The following CDH8 variants were observed in gnomAD, a reference collection of about 807,000 sequenced individuals.
CDH8 encodes the protein cadherin 8.
CDH8 carries 17 observed loss-of-function variants against 68.1 expected under a neutral mutation model. That is an observed-to-expected ratio of 0.25 (90% CI 0.17 to 0.37). The LOEUF (loss-of-function observed/expected upper bound fraction) is 0.37, where lower values mean the gene tolerates loss of function less well. CDH8 is among the 10% of genes least tolerant of loss of function. The pLI, the probability that CDH8 is intolerant of heterozygous loss-of-function variation, is 1.00. For missense variants in CDH8, 763 were observed against 999.3 expected (o/e 0.76, Z 3.19); for synonymous variants, 372 against 365.1 (o/e 1.02, Z -0.21).
chr16:61,664,714 A>C (rs1165370809), intron 10 of CDH8, among the ~76,000 whole-genome samples: 1 of 152,038 alleles, frequency 6.6e-6, no homozygotes, highest in East Asian at 1.9e-4. Flanking sequence ...AGAGAGGAAA[A>C]AAAATCCAAC....
intron 2 of CDH8, among the ~76,000 whole-genome samples, chr16:61,926,152 GGTGTGTGTGTGTGTGT>G (rs61028306): frequency 6.3e-5 from 9 of 142,210 alleles, no homozygotes; most frequent in South Asian, 2.3e-4. Context: ...ACTCAGAAGG[GGTGTGTGTGTGTGTGT>G]GTGTGTGTGT....
chr16:61,688,976 G>C (rs1393202723), intron 10 of CDH8, among the ~76,000 whole-genome samples: 1 of 151,952 alleles, frequency 6.6e-6, no homozygotes, highest in Non-Finnish European at 1.5e-5. Flanking sequence ...TTTAAATCCA[G>C]GCATTAACCA....
chr16:61,799,545 C>A (rs1961572113), intron 7 of CDH8, among the ~76,000 whole-genome samples: 3 of 152,118 alleles, frequency 2.0e-5, no homozygotes, highest in African/African-American at 7.2e-5. Flanking sequence ...TGCATTTCCT[C>A]CGTCATAAAG....
intron 1 of CDH8, among the ~76,000 whole-genome samples, chr16:62,023,399 G>A (rs1180305978): frequency 6.6e-6 from 1 of 152,142 alleles, no homozygotes; most frequent in Admixed American, 6.6e-5. Flanking sequence ...GGACAAGATA[G>A]TCAAGTTTTC....
intron 2 of CDH8, among the ~76,000 whole-genome samples, chr16:61,911,040 G>A (rs993255868): frequency 3.9e-5 from 6 of 152,032 alleles, no homozygotes; most frequent in Non-Finnish European, 8.8e-5. Flanking sequence ...ATGGGAAGAG[G>A]GTGGTCGATG....
intron 2 of CDH8, among the ~76,000 whole-genome samples, chr16:61,971,174 G>A (rs1268492023): frequency 6.6e-6 from 1 of 152,090 alleles, no homozygotes; most frequent in Non-Finnish European, 1.5e-5. Context: ...ACCCTTTGCT[G>A]ACTCTCTTTT....
chr16:61,837,308 T>C (rs776970039), intron 4 of CDH8, among the ~76,000 whole-genome samples: 40 of 152,142 alleles, frequency 2.6e-4, no homozygotes, highest in Middle Eastern at 3.4e-3. Flanking sequence ...TTTCTTTATG[T>C]TTTCATATTT....
At chr16:61,963,241 C>T (rs1035826268) in intron 2 of CDH8, among the ~76,000 whole-genome samples, 9 of 152,142 alleles carry the variant, frequency 5.9e-5, no homozygotes, top group Non-Finnish European at 5.9e-5. Context: ...ACCCTAGGCA[C>T]ACCCTTCCTC....
chr16:61,986,422 T>C (rs1375027496), intron 2 of CDH8, among the ~76,000 whole-genome samples: 2 of 152,178 alleles, frequency 1.3e-5, no homozygotes, highest in East Asian at 1.9e-4. Context: ...AATTAATCTC[T>C]GATTGTATAT....
Position 61,960,078 on chromosome 16 carries a change from T to C in CDH8, c.253-58605A>G, listed in dbSNP as rs796497963. Among the ~76,000 whole-genome samples the C allele has an allele frequency of 1.2e-4, 13 of 106,652 alleles. 1 individual carries two copies. The highest frequency in any genetic ancestry group is 2.8e-4 in the African/African-American group (7 of 25,332). 70.0% of individuals were successfully genotyped at this position (106,652 alleles called of 152,430 possible). On this transcript the variant is annotated intron_variant, in intron 2 of 11. Coordinates refer to ENST00000577390, the MANE Select transcript of CDH8 (RefSeq NM_001796.5). ...ATGTGTGTGTGTATACACATACATATATACATATATGTGTGTGTGTATACA... is the reference window on the plus strand; with the variant it reads ...ATGTGTGTGTGTATACACATACATACATACATATATGTGTGTGTGTATACA...
At position 61,825,177 on chromosome 16, in the gene CDH8, T is replaced by C. The variant is rs199624386; in HGVS notation, c.670A>G (p.Ile224Val). 675 of 1,595,786 alleles carry C rather than the reference T, an allele frequency of 4.2e-4. No individual in the cohort carries two copies. Among genetic ancestry groups the C allele is most frequent in the Non-Finnish European group, 5.5e-4 (651 of 1,173,812 alleles). ...PYFSIEPETA[I>V]IKTALPNMDR... ...ATGTTGGGAAGGGCAGTTTTTATAATAGCTGAGGGGGAAAATGGAAGAATG... is the reference window on the plus strand; with the variant it reads ...ATGTTGGGAAGGGCAGTTTTTATAACAGCTGAGGGGGAAAATGGAAGAATG... Residue 224 changes from isoleucine (I) to valine (V), a missense_variant and splice_region_variant, in exon 5 of 12, where the codon ATT becomes GTT. By Grantham distance (29) the Ile-to-Val change is conservative (BLOSUM62 3). Coordinates refer to ENST00000577390, the MANE Select transcript of CDH8 (RefSeq NM_001796.5).
chr16:62,027,710 C>A (rs1401485168), intron 1 of CDH8, among the ~76,000 whole-genome samples: 1 of 152,272 alleles, frequency 6.6e-6, no homozygotes, highest in South Asian at 2.1e-4. Flanking sequence ...GAGCAATTCA[C>A]CCAAGCCCTG....
intron 8 of CDH8, among the ~76,000 whole-genome samples, chr16:61,733,394 A>C (rs572158887): frequency 8.3e-4 from 125 of 151,220 alleles, no homozygotes; most frequent in Admixed American, 1.5e-3. Context: ...GACTTTTTGC[A>C]AAAAAAAATC....
In CDH8 at chr16:61,899,085, A is replaced by C. The variant is rs139854761; in HGVS notation, c.547+2094T>G. ...TGGTGATTTGCTGCACCCATCAACC[A>C]ATCATCTACATTAGGTATTTATCCT... On this transcript the variant is annotated intron_variant, in intron 3 of 11. Transcript: ENST00000577390. Among the ~76,000 whole-genome samples, 5 of 152,244 alleles carry C rather than the reference A, an allele frequency of 3.3e-5. No individual in the cohort carries two copies. The East Asian group carries it at 9.7e-4, about 29-fold the overall frequency.
At chr16:61,659,112 T>C (rs1452936511) in intron 10 of CDH8, among the ~76,000 whole-genome samples, 1 of 152,204 alleles carries the variant, frequency 6.6e-6, no homozygotes, top group African/African-American at 2.4e-5. Context: ...TAAAAGCGAA[T>C]CTTATTAGAG....
At chr16:62,010,150 T>C (rs991067030) in intron 2 of CDH8, among the ~76,000 whole-genome samples, 1 of 152,242 alleles carries the variant, frequency 6.6e-6, no homozygotes, top group Non-Finnish European at 1.5e-5. Context: ...TGTACACCTC[T>C]GTTCCTGACT....
chr16:61,918,262 CTA>C (rs1964281613), intron 2 of CDH8: 1 of 152,440 alleles, frequency 6.6e-6, no homozygotes. Flanking sequence ...ACATACCGAA[CTA>C]TGAGTGTCGA....
At chr16:61,781,418 C>A (rs1010173467) in intron 8 of CDH8, among the ~76,000 whole-genome samples, 2 of 151,752 alleles carry the variant, frequency 1.3e-5, no homozygotes, top group Admixed American at 6.6e-5. Flanking sequence ...CATGGTGAGA[C>A]CCTGTTTCTA....
intron 2 of CDH8, among the ~76,000 whole-genome samples, chr16:62,003,412 C>G (rs1815267041): frequency 6.6e-6 from 1 of 152,128 alleles, no homozygotes; most frequent in South Asian, 2.1e-4. Context: ...ATTTTAATAA[C>G]GTGCTTTATA....
Sources: gnomAD v4.1 joint callset for allele counts (sites outside exome capture counted in the v4.1 genomes callset) on GRCh38, gnomAD v4.1.1 for gene constraint, MANE v1.5 for transcripts, NCBI Gene and HGNC (gene_info 2026-07-23, HGNC 2026-07-21) for gene names.